ENPP3: variants seen among roughly 807,000 people sequenced by gnomAD.
ENPP3 encodes ectonucleotide pyrophosphatase/phosphodiesterase 3, also known as ectonucleotide pyrophosphatase/phosphodiesterase family member 3.
In ENPP3, 104 loss-of-function variants were observed where a neutral mutation model predicts 117.8. The ratio of observed to expected loss-of-function variants is 0.88; its 90% CI spans 0.75 to 1.04. The LOEUF (loss-of-function observed/expected upper bound fraction) is 1.04. Among genes scored for constraint, ENPP3 ranks in the 50% least tolerant of loss-of-function variants. The pLI is 0.00. For synonymous variants in ENPP3, 380 were observed against 349.9 expected (o/e 1.09, Z -0.96); for missense variants, 1,026 against 1,051.9 (o/e 0.98, Z 0.34).
At chr6:131,689,810 T>C (rs1223775828) in intron 14 of ENPP3, among the ~76,000 whole-genome samples, 1 of 152,218 alleles carries the variant, frequency 6.6e-6, no homozygotes, top group Admixed American at 6.5e-5. Context: ...CTAGATACCA[T>C]TAAAAACATT....
At chr6:131,679,633 C>T (rs1259162825) in intron 11 of ENPP3, among the ~76,000 whole-genome samples, 2 of 151,298 alleles carry the variant, frequency 1.3e-5, no homozygotes, top group Admixed American at 1.3e-4. Flanking sequence ...TCTAGGCAGT[C>T]TCAATCTAGT....
chr6:131,678,252 C>T (rs200502046), intron 11 of ENPP3, among the ~76,000 whole-genome samples: 1 of 152,202 alleles, frequency 6.6e-6, no homozygotes, highest in Admixed American at 6.5e-5. Context: ...AGATACTATA[C>T]AAGCCAATTC....
chr6:131,742,071 C>T (rs192753125), intron 24 of ENPP3, among the ~76,000 whole-genome samples: 2 of 152,034 alleles, frequency 1.3e-5, no homozygotes, highest in African/African-American at 2.4e-5. Flanking sequence ...CATGTAGATA[C>T]GATTTTACTT....
At chr6:131,662,329 C>G (rs1778520339) in intron 6 of ENPP3, among the ~76,000 whole-genome samples, 2 of 152,120 alleles carry the variant, frequency 1.3e-5, no homozygotes, top group Admixed American at 1.3e-4. Context: ...ACTGCCACCT[C>G]TGCCTCCCAG....
intron 15 of ENPP3, chr6:131,709,911 TTC>T (rs1189561399): frequency 6.3e-7 from 1 of 1,575,898 alleles, no homozygotes; most frequent in African/African-American, 1.4e-5. Context: ...AATATATGTT[TTC>T]TGATTGCAAA....
chr6:131,712,509 C>T (rs1461361992), intron 15 of ENPP3, among the ~76,000 whole-genome samples: 1 of 131,934 alleles, frequency 7.6e-6, no homozygotes, highest in Non-Finnish European at 1.5e-5. Context: ...AACATTTCCC[C>T]ATTTGGCTGG....
intron 15 of ENPP3, among the ~76,000 whole-genome samples, chr6:131,706,745 C>T (rs1320209854): frequency 4.0e-5 from 6 of 151,216 alleles, no homozygotes; most frequent in Admixed American, 6.6e-5. Flanking sequence ...TTTTGATTGA[C>T]TTTTTGAGAT....
At chr6:131,657,937 C>T (rs146216946) in intron 5 of ENPP3, among the ~76,000 whole-genome samples, 1,586 of 151,936 alleles carry the variant, frequency 0.01, 25 homozygotes, top group African/African-American at 0.036. Context: ...CCAAGGCGGG[C>T]GGATCACTTG....
intron 6 of ENPP3, 48 bp downstream of exon 6, chr6:131,658,468 T>C: frequency 1.0e-6 from 1 of 993,780 alleles, no homozygotes; most frequent in Non-Finnish European, 1.6e-6. Flanking sequence ...GACACCTAGT[T>C]AGTCAATCTC....
intron 20 of ENPP3, among the ~76,000 whole-genome samples, chr6:131,733,185 A>G (rs1780322901): frequency 6.6e-6 from 1 of 152,204 alleles, no homozygotes; most frequent in Admixed American, 6.5e-5. Context: ...AGAATAATAT[A>G]TCAATACTTA....
intron 24 of ENPP3, 104 bp downstream of exon 24, chr6:131,740,484 A>G (rs1585741634): frequency 2.4e-6 from 2 of 831,658 alleles, no homozygotes; most frequent in Non-Finnish European, 3.6e-6. Flanking sequence ...TAGGTGTTTC[A>G]TGGGAAAAGT....
At chr6:131,746,115 C>T (rs570557092) in intron 24 of ENPP3, among the ~76,000 whole-genome samples, 1 of 152,062 alleles carries the variant, frequency 6.6e-6, no homozygotes, top group African/African-American at 2.4e-5. Context: ...TGAATGTACT[C>T]TATGGCCCAA....
At chr6:131,695,234 A>G (rs923719409) in intron 15 of ENPP3, among the ~76,000 whole-genome samples, 3 of 152,228 alleles carry the variant, frequency 2.0e-5, no homozygotes, top group African/African-American at 4.8e-5. Flanking sequence ...GTTGGGGTAC[A>G]TTCTCCAGAT....
intron 5 of ENPP3, among the ~76,000 whole-genome samples, chr6:131,657,933 C>T (rs1188746294): frequency 3.9e-5 from 6 of 152,074 alleles, no homozygotes; most frequent in Non-Finnish European, 5.9e-5. Flanking sequence ...GAGGCCAAGG[C>T]GGGCGGATCA....
chr6:131,646,806 T>G (rs1161843796), intron 2 of ENPP3, among the ~76,000 whole-genome samples: 1 of 150,918 alleles, frequency 6.6e-6, no homozygotes, highest in African/African-American at 2.4e-5. Context: ...TAGTTGTTGC[T>G]TCCTTCATTC....
At chr6:131,650,942 C>A (rs1466930659) in intron 3 of ENPP3, among the ~76,000 whole-genome samples, 1 of 151,178 alleles carries the variant, frequency 6.6e-6, no homozygotes, top group Non-Finnish European at 1.5e-5. Flanking sequence ...TTTTTTGAAA[C>A]AAAGTCTCAC....
chr6:131,702,433 T>C (rs558716923), intron 15 of ENPP3, among the ~76,000 whole-genome samples: 66 of 152,302 alleles, frequency 4.3e-4, no homozygotes, highest in African/African-American at 1.5e-3. Flanking sequence ...TATTTTTTGT[T>C]ATTTACTTTC....
chr6:131,721,860 T>C (rs1333674269), intron 17 of ENPP3, among the ~76,000 whole-genome samples: 1 of 152,176 alleles, frequency 6.6e-6, no homozygotes, highest in Non-Finnish European at 1.5e-5. Context: ...TTCATGAAAG[T>C]TCCTCTGGCT....
chr6:131,657,622 TG>T (rs1448893016), intron 5 of ENPP3, among the ~76,000 whole-genome samples: 1 of 152,154 alleles, frequency 6.6e-6, no homozygotes, highest in Non-Finnish European at 1.5e-5. Context: ...CTCAACAAAA[TG>T]CACACTGTAT....
Sources: gnomAD v4.1 joint callset for allele counts (sites outside exome capture counted in the v4.1 genomes callset) on GRCh38, gnomAD v4.1.1 for gene constraint, MANE v1.5 for transcripts, NCBI Gene and HGNC (gene_info 2026-07-23, HGNC 2026-07-21) for gene names.